The following GKAP1 variants were observed in gnomAD, a reference collection of about 807,000 sequenced individuals.
GKAP1 encodes the protein G kinase-anchoring protein 1.
A neutral mutation model predicts 56.7 loss-of-function variants in GKAP1; 31 were observed. That is an observed-to-expected ratio of 0.55 (90% CI 0.41 to 0.74). GKAP1 has a LOEUF of 0.74. Ranked by LOEUF, GKAP1 falls within the 30% of genes least tolerant of loss-of-function variation. The pLI, the probability that GKAP1 is intolerant of heterozygous loss-of-function variation, is 0.00. For synonymous variants in GKAP1, 151 were observed against 138.6 expected (o/e 1.09, Z -0.63); for missense variants, 364 against 402.3 (o/e 0.90, Z 0.82).
At chr9:83,763,751 T>C (rs546025189) in intron 8 of GKAP1, among the ~76,000 whole-genome samples, 1 of 152,140 alleles carries the variant, frequency 6.6e-6, no homozygotes, top group Non-Finnish European at 1.5e-5. Flanking sequence ...ATTGAGTGCA[T>C]ACTGTGGAAA....
intron 4 of GKAP1, 190 bp from the exon 5 acceptor site, chr9:83,788,868 T>G: frequency 5.2e-6 from 2 of 381,768 alleles, no homozygotes; most frequent in Non-Finnish European, 9.3e-6. Flanking sequence ...AATACAAACT[T>G]CCAATTTTGA....
intron 7 of GKAP1, among the ~76,000 whole-genome samples, chr9:83,775,013 T>TC (rs909076421): frequency 6.8e-6 from 1 of 147,044 alleles, no homozygotes; most frequent in African/African-American, 2.5e-5. Context: ...GGCCCCTTCT[T>TC]TTTTTTTTTT....
chr9:83,745,026 AT>A (rs1038574469), intron 10 of GKAP1, among the ~76,000 whole-genome samples: 2 of 152,082 alleles, frequency 1.3e-5, no homozygotes, highest in Non-Finnish European at 2.9e-5. Context: ...TCAAGGTGAG[AT>A]TTGGGTGGAG....
intron 2 of GKAP1, among the ~76,000 whole-genome samples, chr9:83,808,088 G>C (rs1944463321): frequency 6.6e-6 from 1 of 152,144 alleles, no homozygotes; most frequent in Non-Finnish European, 1.5e-5. Context: ...CAAATTGCTA[G>C]AAATATGCAA....
At chr9:83,762,613 G>A (rs1943592532) in intron 8 of GKAP1, among the ~76,000 whole-genome samples, 1 of 151,974 alleles carries the variant, frequency 6.6e-6, no homozygotes, top group Non-Finnish European at 1.5e-5. Context: ...GCAAAACGAA[G>A]AAAACTGAAG....
intron 4 of GKAP1, among the ~76,000 whole-genome samples, chr9:83,792,140 A>T (rs949376477): frequency 1.3e-5 from 2 of 152,210 alleles, no homozygotes; most frequent in African/African-American, 4.8e-5. Context: ...AGAACATTTA[A>T]AAAGGACATT....
chr9:83,771,034 C>T (rs1201351540), intron 7 of GKAP1, among the ~76,000 whole-genome samples: 1 of 152,042 alleles, frequency 6.6e-6, no homozygotes, highest in Non-Finnish European at 1.5e-5. Context: ...CTGAAGAAAA[C>T]ATTCCTCTCA....
chr9:83,807,981 G>A (rs955947459), intron 2 of GKAP1, among the ~76,000 whole-genome samples: 1 of 152,114 alleles, frequency 6.6e-6, no homozygotes, highest in African/African-American at 2.4e-5. Context: ...CAAGTTTTTG[G>A]TATACAATGA....
At chr9:83,754,397 AGTACTCTAC>A (rs1440945311) in intron 8 of GKAP1, among the ~76,000 whole-genome samples, 3 of 152,350 alleles carry the variant, frequency 2.0e-5, no homozygotes, top group Admixed American at 6.5e-5. Flanking sequence ...ACATCAATGT[AGTACTCTAC>A]AAATACTCAC....
chr9:83,812,532 GT>G (rs1944526260), intron 2 of GKAP1, among the ~76,000 whole-genome samples: 1 of 150,454 alleles, frequency 6.6e-6, no homozygotes, highest in Non-Finnish European at 1.5e-5. Flanking sequence ...CAGAGACAGG[GT>G]TTTGCCATGT....
At position 83,779,442 on chromosome 9, in the gene GKAP1, T is replaced by TAC. The variant is rs1298986099; in HGVS notation, c.585+939_585+940insGT. ...GTCAGAAGCCATATATATATATATA[T>TAC]ATATATACACACACACACACACGCA... On this transcript the variant is annotated intron_variant, in intron 7 of 12. Transcript: ENST00000376371. 4.4e-3 allele frequency among the ~76,000 whole-genome samples: 305 copies of TAC among 69,150 alleles called. 5 individuals are homozygous for TAC. The highest frequency in any genetic ancestry group is 0.011 in the African/African-American group (281 of 25,692). 45.4% of individuals were successfully genotyped at this position (69,150 alleles called of 152,430 possible).
intron 7 of GKAP1, among the ~76,000 whole-genome samples, chr9:83,776,470 G>A (rs1943864126): frequency 6.6e-6 from 1 of 152,170 alleles, no homozygotes; most frequent in Non-Finnish European, 1.5e-5. Flanking sequence ...GCCGAGGCAG[G>A]TGGATCACGA....
chr9:83,812,382 C>T (rs1434752873), intron 2 of GKAP1, among the ~76,000 whole-genome samples: 3 of 148,878 alleles, frequency 2.0e-5, no homozygotes, highest in African/African-American at 7.4e-5. Flanking sequence ...CAGGGTCTTA[C>T]TCACACACCA....
At chr9:83,780,544 T>C (rs1319243337) in intron 6 of GKAP1, 140 bp from the exon 7 acceptor site, 4 of 500,702 alleles carry the variant, frequency 8.0e-6, no homozygotes, top group South Asian at 3.4e-5. Context: ...AAGAGTTTTC[T>C]AGGATTCTCA....
intron 12 of GKAP1, 141 bp from the exon 13 acceptor site, chr9:83,739,885 C>A: frequency 1.6e-6 from 1 of 607,042 alleles, no homozygotes. Context: ...AAATTTGAGT[C>A]TACATACTGT....
intron 7 of GKAP1, among the ~76,000 whole-genome samples, chr9:83,775,027 G>A (rs1943833619): frequency 7.1e-6 from 1 of 140,624 alleles, no homozygotes; most frequent in Admixed American, 7.3e-5. Flanking sequence ...TTTTTTTTAA[G>A]AGATGAAGTC....
At chr9:83,796,009 T>G (rs1438483342) in intron 4 of GKAP1, among the ~76,000 whole-genome samples, 1 of 152,258 alleles carries the variant, frequency 6.6e-6, no homozygotes, top group Non-Finnish European at 1.5e-5. Flanking sequence ...TATACTACTA[T>G]TTCCTTATTC....
chr9:83,771,361 G>A (rs1036004663), intron 7 of GKAP1, among the ~76,000 whole-genome samples: 1 of 152,128 alleles, frequency 6.6e-6, no homozygotes, highest in African/African-American at 2.4e-5. Flanking sequence ...AGGATTATAG[G>A]TGTGAGCCAC....
intron 3 of GKAP1, among the ~76,000 whole-genome samples, chr9:83,805,187 TGAAAC>T (rs1399906386): frequency 1.3e-5 from 2 of 152,180 alleles, no homozygotes; most frequent in Non-Finnish European, 2.9e-5. Flanking sequence ...CTGTGCTCTC[TGAAAC>T]GTGCTGTGTC....
Sources: allele counts gnomAD v4.1 joint callset (sites outside exome capture counted in the v4.1 genomes callset), GRCh38; gene constraint gnomAD v4.1.1; transcripts MANE v1.5; gene names NCBI Gene and HGNC (gene_info 2026-07-23, HGNC 2026-07-21).